NCOA3: variants seen among roughly 807,000 people sequenced by gnomAD.
The protein encoded by NCOA3 is nuclear receptor coactivator 3, also known as CBP-interacting protein.
Under a neutral mutation model 158.8 loss-of-function variants are expected in NCOA3, and 51 were observed. The observed-to-expected ratio is 0.32, with a 90% CI of 0.26 to 0.41. The LOEUF is 0.41. NCOA3 is among the 10% of genes least tolerant of loss of function. The pLI is 1.00. For synonymous variants in NCOA3, 537 were observed against 592.4 expected, an observed-to-expected ratio of 0.91 and a Z score of 1.36; for missense variants, 1,510 against 1,746.6, an observed-to-expected ratio of 0.86 and a Z score of 2.41.
chr20:47,546,778 G>A (rs938651367), intron 1 of NCOA3, among the ~76,000 whole-genome samples: 2 of 151,926 alleles, frequency 1.3e-5, no homozygotes, highest in African/African-American at 2.4e-5. Context: ...TGATCTTCCC[G>A]CCCTGGCCTC....
In NCOA3 at chr20:47,596,139, C is replaced by T. The variant is rs117735020; in HGVS notation, c.-20+12878C>T. Among the ~76,000 whole-genome samples the T allele has an allele frequency of 3.4e-3, 518 of 152,274 alleles. 2 individuals are homozygous for T. Among genetic ancestry groups the T allele is most frequent in the African/African-American group, 0.012 (485 of 41,546 alleles). ...TACCTGCTCCCTGAATCTTTCTTCCCGAAGTCATCCTGCTTCTATCCTTGA... is the reference window on the plus strand; with the variant it reads ...TACCTGCTCCCTGAATCTTTCTTCCTGAAGTCATCCTGCTTCTATCCTTGA... On this transcript the variant is annotated intron_variant, in intron 2 of 22. Transcript: ENST00000371998.
chr20:47,545,127 C>T (rs937093269), intron 1 of NCOA3, among the ~76,000 whole-genome samples: 2 of 140,852 alleles, frequency 1.4e-5, no homozygotes, highest in South Asian at 2.2e-4. Flanking sequence ...TTTCTTTGAG[C>T]AATGTAGCTT....
chr20:47,522,800 C>T (rs2146085550), intron 1 of NCOA3, among the ~76,000 whole-genome samples: 1 of 151,904 alleles, frequency 6.6e-6, no homozygotes, highest in South Asian at 2.1e-4. Context: ...TTTGGGTGGA[C>T]CCATTTTCTA....
At chr20:47,586,606 A>G (rs2085540249) in intron 2 of NCOA3, among the ~76,000 whole-genome samples, 1 of 152,168 alleles carries the variant, frequency 6.6e-6, no homozygotes. Context: ...TGCTTCCTGT[A>G]TAGACTACAG....
At chr20:47,577,383 A>G (rs1460536929) in intron 1 of NCOA3, among the ~76,000 whole-genome samples, 1 of 152,224 alleles carries the variant, frequency 6.6e-6, no homozygotes, top group Non-Finnish European at 1.5e-5. Flanking sequence ...TGGCTGAGAT[A>G]AATGGTTTTG....
intron 13 of NCOA3, 54 bp downstream of exon 13, chr20:47,637,837 T>C: frequency 6.6e-7 from 1 of 1,507,876 alleles, no homozygotes; most frequent in Non-Finnish European, 9.0e-7. Flanking sequence ...CTTTTCTGCA[T>C]ACCTGTAAAC....
At chr20:47,546,811 A>G (rs2084837595) in intron 1 of NCOA3, among the ~76,000 whole-genome samples, 1 of 152,042 alleles carries the variant, frequency 6.6e-6, no homozygotes, top group Non-Finnish European at 1.5e-5. Context: ...GGTTACAGGC[A>G]TGAGCCACCG....
At chr20:47,609,209 C>A (rs572874562) in intron 2 of NCOA3, among the ~76,000 whole-genome samples, 1 of 152,234 alleles carries the variant, frequency 6.6e-6, no homozygotes, top group East Asian at 1.9e-4. Flanking sequence ...CAAAAAAATT[C>A]CTGTTTTGAT....
At chr20:47,566,442 T>C (rs1417017216) in intron 1 of NCOA3, among the ~76,000 whole-genome samples, 1 of 152,210 alleles carries the variant, frequency 6.6e-6, no homozygotes, top group Non-Finnish European at 1.5e-5. Flanking sequence ...TTAAATGTTG[T>C]ATCTTAGGAG....
At position 47,603,875 on chromosome 20, in the gene NCOA3, G is replaced by A. The variant is rs187313356; in HGVS notation, c.-19-18354G>A. 1.2e-4 allele frequency among the ~76,000 whole-genome samples: 19 copies of A among 152,236 alleles called. No homozygotes were observed. In the East Asian group the frequency reaches 3.5e-3, roughly 28 times the overall value. ...GTTTATATGGGTACAGGATATGGGGGCGTGGTGGGTCAAAAGGCAACTTTT... is the reference window on the plus strand; with the variant it reads ...GTTTATATGGGTACAGGATATGGGGACGTGGTGGGTCAAAAGGCAACTTTT... On this transcript the variant is annotated intron_variant, in intron 2 of 22. Transcript: ENST00000371998.
intron 8 of NCOA3, chr20:47,628,309 G>A (rs535518694): frequency 7.1e-5 from 20 of 282,192 alleles, no homozygotes; most frequent in South Asian, 1.3e-4. Context: ...TGCATTTTGC[G>A]TCAGAATTTA....
At chr20:47,638,715 G>A (rs2267962) in intron 13 of NCOA3, among the ~76,000 whole-genome samples, 6,825 of 152,022 alleles carry the variant, frequency 0.045, 451 homozygotes, top group African/African-American at 0.15. Context: ...TAAGTGAAGC[G>A]CAGAGTATCA....
chr20:47,634,989 T>TG (rs1204853136), intron 10 of NCOA3, among the ~76,000 whole-genome samples: 1 of 149,418 alleles, frequency 6.7e-6, no homozygotes, highest in Non-Finnish European at 1.5e-5. Flanking sequence ...TGTGCAGTAG[T>TG]GCCATCACAG....
intron 1 of NCOA3, among the ~76,000 whole-genome samples, chr20:47,517,768 A>G (rs2084259982): frequency 6.6e-6 from 1 of 151,920 alleles, no homozygotes; most frequent in Admixed American, 6.6e-5. Context: ...TTTATTTTTC[A>G]ACTAGATTAT....
intron 7 of NCOA3, 76 bp downstream of exon 7, chr20:47,627,825 A>G: frequency 1.3e-6 from 2 of 1,578,242 alleles, no homozygotes; most frequent in Non-Finnish European, 1.7e-6. Flanking sequence ...CTTGTGTTGT[A>G]ACCCTTCTTA....
chr20:47,505,225 C>A (rs1352234908), intron 1 of NCOA3, among the ~76,000 whole-genome samples: 1 of 151,000 alleles, frequency 6.6e-6, no homozygotes, highest in Non-Finnish European at 1.5e-5. Flanking sequence ...CCACGCCCGG[C>A]TATTTTTGTA....
chr20:47,636,479 T>C lies in NCOA3; in HGVS notation c.2093T>C (p.Val698Ala). The C allele has an allele frequency of 1.2e-6, 2 of 1,614,078 alleles. No homozygotes were observed. Among genetic ancestry groups the C allele is most frequent in the Non-Finnish European group, 8.5e-7 (1 of 1,180,018 alleles). ...CAGAATGGGAATTCACCAGCTGAGGTAGCCAAGATTACTGCAGAAGCCACT... is the reference window on the plus strand; with the variant it reads ...CAGAATGGGAATTCACCAGCTGAGGCAGCCAAGATTACTGCAGAAGCCACT... ...LLQNGNSPAE[V>A]AKITAEATGK... The change falls in exon 12 of 23, where the codon GTA becomes GCA. Residue 698 changes from valine (V) to alanine (A), a missense_variant. Physicochemically the swap from Val to Ala is moderately conservative, Grantham distance 64. Around this residue, in one of 4 missense-constraint regions of NCOA3, gnomAD observed 1,017 missense variants for 1,098.3 expected, o/e 0.93. Transcript: ENST00000371998.
At chr20:47,584,341 C>T (rs1452907380) in intron 2 of NCOA3, among the ~76,000 whole-genome samples, 5 of 152,070 alleles carry the variant, frequency 3.3e-5, no homozygotes, top group African/African-American at 7.2e-5. Context: ...AAGACATGGC[C>T]GGATGCGGTG....
rs71183263 is a variant in NCOA3 at position 47,558,232 on chromosome 20, A to ATTTTTTTTTT, written c.-98-24931_-98-24922dup. The stretch of plus-strand genomic sequence containing the variant: ...CACCTCCACGCCCAGCTAATTTTGT[A>ATTTTTTTTTT]TTTTTTTTTTTTTTTTTTTTTTTTT... On this transcript the variant is annotated intron_variant, in intron 1 of 22. Coordinates refer to ENST00000371998, the MANE Select transcript of NCOA3 (RefSeq NM_181659.3). 9.7e-4 allele frequency among the ~76,000 whole-genome samples: 54 copies of ATTTTTTTTTT among 55,526 alleles called. 8 individuals carry two copies. The highest frequency in any genetic ancestry group is 3.3e-3 in the African/African-American group (51 of 15,482). The allele number at this position is 55,526 out of a possible 152,430, so 36.4% of individuals were successfully genotyped here. A position where few individuals can be genotyped will look rare whatever the true frequency, so the allele number is the denominator to read the frequency against.
Sources: gnomAD v4.1 joint callset for allele counts (sites outside exome capture counted in the v4.1 genomes callset) on GRCh38, gnomAD v4.1.1 for gene constraint, gnomAD v4.1.1 regional missense constraint, MANE v1.5 for transcripts, NCBI Gene and HGNC (gene_info 2026-07-23, HGNC 2026-07-21) for gene names.